Variants in NBAS observed in about 807,000 individuals in gnomAD.
NBAS encodes NBAS subunit of NRZ tethering complex, also known as NAG/BC035112 fusion.
NBAS carries 219 observed loss-of-function variants against 302.5 expected under a neutral mutation model. The ratio of observed to expected loss-of-function variants is 0.72; its 90% CI spans 0.65 to 0.81. The LOEUF (loss-of-function observed/expected upper bound fraction) is 0.81. Among genes scored for constraint, NBAS ranks in the 30% least tolerant of loss-of-function variants. The pLI is 0.00. For missense variants in NBAS, 2,932 were observed against 2,841.6 expected (o/e 1.03, Z -0.72); for synonymous variants, 1,118 against 1,021.6 (o/e 1.09, Z -1.80).
the NBAS span, among the ~76,000 whole-genome samples, chr2:14,830,727 C>T: frequency 6.6e-6 from 1 of 152,070 alleles, no homozygotes. Context: ...AAAACAAAGC[C>T]CCTTCCAATC....
the NBAS span, among the ~76,000 whole-genome samples, chr2:15,068,572 C>A: frequency 6.9e-6 from 1 of 145,752 alleles, no homozygotes; most frequent in African/African-American, 2.5e-5. Flanking sequence ...ATGTCTTAAT[C>A]ATCTTTTGAA....
At chr2:15,425,623 A>C (rs1258552431) in intron 22 of NBAS, among the ~76,000 whole-genome samples, 1 of 152,100 alleles carries the variant, frequency 6.6e-6, no homozygotes, top group Non-Finnish European at 1.5e-5. Context: ...AAACTTCCCT[A>C]TATATGGAAT....
At position 15,248,458 on chromosome 2, in the gene NBAS, G is replaced by A. The variant is rs186683480; in HGVS notation, c.5725-9772C>T. Among the ~76,000 whole-genome samples, 673 of 152,112 alleles carry A rather than the reference G, an allele frequency of 4.4e-3. 4 individuals are homozygous for A. The highest frequency in any genetic ancestry group is 0.015 in the African/African-American group (617 of 41,526). On this transcript the variant is annotated intron_variant, in intron 44 of 51. Transcript: ENST00000281513. ...GAAGGCAAGAAATAACTATAACTAA[G>A]ATCAGAGCAGTACTGAAGGAGATAA...
At chr2:14,941,924 G>A in the NBAS span, among the ~76,000 whole-genome samples, 1 of 152,126 alleles carries the variant, frequency 6.6e-6, no homozygotes, top group Non-Finnish European at 1.5e-5. Flanking sequence ...GAGTTACAAT[G>A]TTCATTGCTT....
chr2:15,556,137 G>A (rs1163287157), intron 3 of NBAS, among the ~76,000 whole-genome samples: 4 of 152,136 alleles, frequency 2.6e-5, no homozygotes, highest in African/African-American at 9.7e-5. Flanking sequence ...GAAAGACGTT[G>A]GAGCAAGTCC....
chr2:15,053,656 C>T, the NBAS span, among the ~76,000 whole-genome samples: 3 of 151,850 alleles, frequency 2.0e-5, no homozygotes, highest in East Asian at 1.9e-4. Flanking sequence ...CCTGCAGACC[C>T]GGGGGGATCT....
chr2:15,087,256 A>ACC, the NBAS span, among the ~76,000 whole-genome samples: 58 of 127,976 alleles, frequency 4.5e-4, no homozygotes, highest in South Asian at 5.2e-3. Flanking sequence ...ACACACACAC[A>ACC]CCCCATATTG....
intron 44 of NBAS, among the ~76,000 whole-genome samples, chr2:15,265,581 AC>A (rs1251522059): frequency 6.6e-6 from 1 of 152,190 alleles, no homozygotes; most frequent in Non-Finnish European, 1.5e-5. Context: ...TCACTACAGG[AC>A]TAGCATAGGG....
the NBAS span, among the ~76,000 whole-genome samples, chr2:15,005,771 T>C: frequency 6.6e-6 from 1 of 152,234 alleles, no homozygotes; most frequent in Non-Finnish European, 1.5e-5. Flanking sequence ...CAGGAGACTA[T>C]TTACTTCCAT....
the NBAS span, among the ~76,000 whole-genome samples, chr2:14,811,279 G>A: frequency 1.2e-4 from 18 of 152,134 alleles, no homozygotes; most frequent in Middle Eastern, 3.4e-3. Flanking sequence ...GCATGGTGGC[G>A]CATGTCTGTA....
intron 7 of NBAS, among the ~76,000 whole-genome samples, chr2:15,538,656 A>G (rs1301577440): frequency 1.3e-5 from 2 of 152,184 alleles, no homozygotes; most frequent in African/African-American, 4.8e-5. Flanking sequence ...AAAGCACTAT[A>G]TTCCTAGAAG....
At chr2:14,779,433 C>G in the NBAS span, among the ~76,000 whole-genome samples, 8 of 152,088 alleles carry the variant, frequency 5.3e-5, no homozygotes, top group Non-Finnish European at 8.8e-5. Flanking sequence ...GTCAGCAGGC[C>G]CCAGGGACAG....
intron 26 of NBAS, 29 bp downstream of exon 26, chr2:15,402,139 A>T (rs1311198018): frequency 6.2e-7 from 1 of 1,612,826 alleles, no homozygotes; most frequent in East Asian, 2.2e-5. Context: ...AAAAAAACAC[A>T]ATAAGACTGG....
chr2:15,270,560 C>G (rs576109244), intron 44 of NBAS, among the ~76,000 whole-genome samples: 1 of 152,204 alleles, frequency 6.6e-6, no homozygotes, highest in East Asian at 1.9e-4. Flanking sequence ...ATTAAAGCAT[C>G]CTGAGATCAA....
the NBAS span, among the ~76,000 whole-genome samples, chr2:15,112,917 C>T: frequency 3.9e-5 from 6 of 151,984 alleles, no homozygotes; most frequent in Admixed American, 1.3e-4. Flanking sequence ...AAAGACTCAT[C>T]ATGAGCATTA....
At chr2:15,176,936 T>C (rs747330040) in intron 51 of NBAS, among the ~76,000 whole-genome samples, 3 of 152,232 alleles carry the variant, frequency 2.0e-5, no homozygotes, top group Non-Finnish European at 2.9e-5. Context: ...GAAAACTCTG[T>C]AAAACCTTAG....
intron 36 of NBAS, among the ~76,000 whole-genome samples, chr2:15,328,722 G>A (rs931505348): frequency 1.3e-5 from 2 of 152,256 alleles, no homozygotes; most frequent in South Asian, 4.2e-4. Flanking sequence ...CTCTGAACAA[G>A]GCAAACAACC....
At chr2:15,246,492 C>T (rs1308357949) in intron 44 of NBAS, among the ~76,000 whole-genome samples, 1 of 152,176 alleles carries the variant, frequency 6.6e-6, no homozygotes, top group Admixed American at 6.5e-5. Context: ...AACAAAGATT[C>T]TTTACAAGTG....
chr2:15,536,332 C>CA (rs748482603), intron 8 of NBAS, 86 bp downstream of exon 8: 64,155 of 1,097,968 alleles, frequency 0.058, 99 homozygotes, highest in Non-Finnish European at 0.067. Context: ...AGACAGAAAG[C>CA]AAAAAAAAAA....
Sources: gnomAD v4.1 joint callset for allele counts (sites outside exome capture counted in the v4.1 genomes callset) on GRCh38, gnomAD v4.1.1 for gene constraint, MANE v1.5 for transcripts, NCBI Gene and HGNC (gene_info 2026-07-23, HGNC 2026-07-21) for gene names.